C12orf42: variants seen among roughly 807,000 people sequenced by gnomAD.
C12orf42 encodes the protein chromosome 12 open reading frame 42.
Under a neutral mutation model 21.6 loss-of-function variants are expected in C12orf42, and 25 were observed. That is an observed-to-expected ratio of 1.16 (90% CI 0.84 to 1.62). C12orf42 has a LOEUF of 1.62. C12orf42 is among the 40% of genes most tolerant of loss of function. The probability of loss-of-function intolerance (pLI) is 0.00; values close to 1 mark genes in which losing one functional copy is unlikely to be tolerated. For missense variants in C12orf42, 483 were observed against 459.3 expected, an observed-to-expected ratio of 1.05 and a Z score of -0.47; for synonymous variants, 174 against 175.0, an observed-to-expected ratio of 0.99 and a Z score of 0.05.
chr12:103,290,437 G>A (rs2036724567), intron 4 of C12orf42, among the ~76,000 whole-genome samples: 1 of 152,254 alleles, frequency 6.6e-6, no homozygotes, highest in East Asian at 1.9e-4. Flanking sequence ...ACTCAAAAGA[G>A]GTTAAAATGG....
intron 4 of C12orf42, among the ~76,000 whole-genome samples, chr12:103,296,188 T>G (rs143025748): frequency 5.3e-5 from 8 of 151,970 alleles, no homozygotes; most frequent in African/African-American, 1.7e-4. Flanking sequence ...ACAAAGGACA[T>G]GAACTCTTCA....
intron 10 of C12orf42, among the ~76,000 whole-genome samples, chr12:103,241,844 T>G (rs1426353295): frequency 6.6e-6 from 1 of 152,192 alleles, no homozygotes; most frequent in Non-Finnish European, 1.5e-5. Context: ...TGTGTTACAC[T>G]CATTTGTTTT....
At chr12:103,554,831 C>A in the C12orf42 span, among the ~76,000 whole-genome samples, 11 of 152,286 alleles carry the variant, frequency 7.2e-5, no homozygotes, top group Non-Finnish European at 1.3e-4. Context: ...TGCCAATGAT[C>A]CAGTCACCTT....
the C12orf42 span, among the ~76,000 whole-genome samples, chr12:103,120,489 C>T: frequency 5.2e-3 from 787 of 152,210 alleles, 5 homozygotes; most frequent in South Asian, 0.016. Context: ...GGTAAGAATG[C>T]TTGAATCATC....
At chr12:103,464,340 T>C (rs1952950043) in intron 2 of C12orf42, among the ~76,000 whole-genome samples, 1 of 152,216 alleles carries the variant, frequency 6.6e-6, no homozygotes, top group African/African-American at 2.4e-5. Context: ...TTGAGCTTTT[T>C]TCATATGTTT....
chr12:103,105,238 A>T, the C12orf42 span, among the ~76,000 whole-genome samples: 1 of 152,218 alleles, frequency 6.6e-6, no homozygotes, highest in Non-Finnish European at 1.5e-5. Flanking sequence ...AGGGAGAATC[A>T]GCAGACACAA....
At chr12:103,555,907 C>T in the C12orf42 span, among the ~76,000 whole-genome samples, 1 of 152,086 alleles carries the variant, frequency 6.6e-6, no homozygotes, top group Non-Finnish European at 1.5e-5. Flanking sequence ...ACACTTCTCA[C>T]CTGTCCTGTG....
chr12:103,277,629 T>C (rs2035850753), intron 4 of C12orf42, among the ~76,000 whole-genome samples: 1 of 149,330 alleles, frequency 6.7e-6, no homozygotes, highest in African/African-American at 2.4e-5. Context: ...TTCTTTTTCT[T>C]TTTTTTTTTG....
intron 10 of C12orf42, among the ~76,000 whole-genome samples, chr12:103,253,114 G>A (rs1837568608): frequency 6.6e-6 from 1 of 152,138 alleles, no homozygotes; most frequent in Non-Finnish European, 1.5e-5. Flanking sequence ...TCAGATGGTT[G>A]TAGGTGTGTG....
At chr12:103,117,792 A>G in the C12orf42 span, among the ~76,000 whole-genome samples, 5 of 152,332 alleles carry the variant, frequency 3.3e-5, no homozygotes, top group South Asian at 4.1e-4. Context: ...AGTATATTCA[A>G]TGAAGGCAAC....
chr12:103,061,518 T>G, the C12orf42 span, among the ~76,000 whole-genome samples: 1 of 152,088 alleles, frequency 6.6e-6, no homozygotes, highest in Non-Finnish European at 1.5e-5. Context: ...CTCTGTTGGC[T>G]TCTGTTTAAT....
chr12:103,271,445 G>A (rs2035468721), intron 5 of C12orf42, among the ~76,000 whole-genome samples: 1 of 152,118 alleles, frequency 6.6e-6, no homozygotes, highest in African/African-American at 2.4e-5. Flanking sequence ...AAGTGCAATG[G>A]GAAGGAGTGA....
At chr12:103,372,646 T>C (rs866645188) in intron 3 of C12orf42, among the ~76,000 whole-genome samples, 1 of 152,138 alleles carries the variant, frequency 6.6e-6, no homozygotes, top group East Asian at 1.9e-4. Flanking sequence ...TTCTATGGTA[T>C]AGGAGGCTGG....
the C12orf42 span, chr12:103,177,990 T>C: frequency 6.6e-6 from 1 of 152,210 alleles, no homozygotes. Context: ...AAGTTACATT[T>C]GATGTTTGAG....
chr12:103,232,504 C>T, the C12orf42 span, among the ~76,000 whole-genome samples: 22 of 151,938 alleles, frequency 1.4e-4, no homozygotes, highest in Non-Finnish European at 2.9e-4. Context: ...GTCAGGAGAT[C>T]GAGACCATCC....
chr12:103,334,347 C>T (rs1356356634), intron 4 of C12orf42, among the ~76,000 whole-genome samples: 1 of 151,994 alleles, frequency 6.6e-6, no homozygotes. Flanking sequence ...TTTAAAAACC[C>T]CTCTATTTTC....
chr12:103,196,970 G>A, the C12orf42 span, among the ~76,000 whole-genome samples: 1 of 152,058 alleles, frequency 6.6e-6, no homozygotes, highest in African/African-American at 2.4e-5. Context: ...TTCTTAGCTG[G>A]TTGGTATGTA....
At chr12:103,218,590 C>T in the C12orf42 span, among the ~76,000 whole-genome samples, 5 of 152,120 alleles carry the variant, frequency 3.3e-5, no homozygotes, top group Non-Finnish European at 7.3e-5. Context: ...TGGTACTACC[C>T]AGACACGGCA....
the C12orf42 span, among the ~76,000 whole-genome samples, chr12:103,153,486 T>C: frequency 1.3e-5 from 2 of 152,140 alleles, no homozygotes; most frequent in Non-Finnish European, 2.9e-5. Flanking sequence ...ATTTTAAAAA[T>C]AGGCATTCCC....
Sources: gnomAD v4.1 joint callset for allele counts (sites outside exome capture counted in the v4.1 genomes callset) on GRCh38, gnomAD v4.1.1 for gene constraint, MANE v1.5 for transcripts, NCBI Gene and HGNC (gene_info 2026-07-23, HGNC 2026-07-21) for gene names.